UGT2B7: variants seen among roughly 807,000 people sequenced by gnomAD.
The protein encoded by UGT2B7 is UDP glucuronosyltransferase family 2 member B7.
In UGT2B7, 51 loss-of-function variants were observed where a neutral mutation model predicts 51.9. The observed-to-expected ratio is 0.98, with a 90% CI of 0.78 to 1.24. The LOEUF is 1.24. Among genes scored for constraint, UGT2B7 ranks in the 50% most tolerant of loss-of-function variants. UGT2B7 has a pLI of 0.00. For missense variants in UGT2B7, 727 were observed against 628.4 expected (o/e 1.16, Z -1.68); for synonymous variants, 225 against 211.6 (o/e 1.06, Z -0.55).
At chr4:69,092,595 A>G (rs550539869), upstream of UGT2B7, among the ~76,000 whole-genome samples, 30 of 152,152 alleles carry the variant, frequency 2.0e-4, no homozygotes, top group African/African-American at 7.2e-4. Context: ...AAAATATAAA[A>G]AGTAAAATAT....
intron 1 of UGT2B7, among the ~76,000 whole-genome samples, chr4:69,056,354 C>T (rs1718197607): frequency 6.6e-6 from 1 of 152,206 alleles, no homozygotes; most frequent in Non-Finnish European, 1.5e-5. Context: ...CCGATCAAGC[C>T]TTGACTGTTC....
chr4:69,111,148 C>T (rs1462079142), intron 5 of UGT2B7, among the ~76,000 whole-genome samples: 1 of 151,958 alleles, frequency 6.6e-6, no homozygotes, highest in African/African-American at 2.4e-5. Flanking sequence ...ATGAGAACAC[C>T]TTTGGGAGCT....
chr4:69,072,491 T>C (rs1718621621), intron 1 of UGT2B7, among the ~76,000 whole-genome samples: 1 of 152,204 alleles, frequency 6.6e-6, no homozygotes, highest in Admixed American at 6.6e-5. Context: ...TGTATAAGTT[T>C]TCTGAATTAA....
rs756981437 is a variant in UGT2B7 at position 69,097,125 on chromosome 4, C to T, written c.605C>T (p.Thr202Ile). 1 of 1,613,614 alleles carries T rather than the reference C, an allele frequency of 6.2e-7. No individual in the cohort carries two copies. Among genetic ancestry groups the T allele is most frequent in the Non-Finnish European group, 8.5e-7 (1 of 1,179,662 alleles). ...SYVPVVMSEL[T>I]DQMTFMERVK... ...GTACCTGTTGTTATGTCAGAATTAACTGATCAAATGACTTTCATGGAGAGG... is the reference window on the plus strand; with the variant it reads ...GTACCTGTTGTTATGTCAGAATTAATTGATCAAATGACTTTCATGGAGAGG... The change falls in exon 1 of 6, where the codon ACT becomes ATT. Residue 202 changes from threonine to isoleucine, a missense_variant. Thr to Ile is a moderately conservative substitution (Grantham distance 89, BLOSUM62 -1). Transcript: ENST00000305231.
At chr4:69,057,992 A>G (rs1433001021) in intron 1 of UGT2B7, among the ~76,000 whole-genome samples, 4 of 152,190 alleles carry the variant, frequency 2.6e-5, no homozygotes, top group Non-Finnish European at 5.9e-5. Flanking sequence ...ATATTAACTC[A>G]TGGCTGAATG....
chr4:69,053,607 CTA>C (rs1456183063), intron 1 of UGT2B7, among the ~76,000 whole-genome samples: 2 of 152,194 alleles, frequency 1.3e-5, no homozygotes, highest in Non-Finnish European at 2.9e-5. Context: ...GCTCTCTCTG[CTA>C]TATCCTGAAG....
At position 69,108,200 on chromosome 4, in the gene UGT2B7, T is replaced by G; in HGVS notation, c.1188T>G (p.Phe396Leu). The G allele has an allele frequency of 3.7e-6, 6 of 1,613,856 alleles. No individual in the cohort carries two copies. The highest frequency in any genetic ancestry group is 5.1e-6 in the Non-Finnish European group (6 of 1,179,798). The change falls in exon 5 of 6, where the codon TTT becomes TTG. Residue 396 changes from phenylalanine (F) to leucine (L), a missense_variant. Physicochemically the swap from Phe to Leu is conservative, Grantham distance 22 (BLOSUM62 0). Transcript: ENST00000305231. ...TCCCTATGGTGGGGATTCCATTGTT[T>G]GCCGATCAACCTGATAACATTGCTC... Reference protein sequence around the residue: ...HGIPMVGIPLFADQPDNIAHM... With the variant: ...HGIPMVGIPLLADQPDNIAHM...
Position 69,108,328 on chromosome 4 carries a change from T to C in UGT2B7, c.1310+6T>C, listed in dbSNP as rs1433766524. 4 of 1,612,298 alleles carry C rather than the reference T, an allele frequency of 2.5e-6. No individual in the cohort carries two copies. The highest frequency in any genetic ancestry group is 3.4e-6 in the Non-Finnish European group (4 of 1,178,624). ...AGAGTAATTAATGATCCTTCGTGAGTAGAACAATATTTTTCACTAGGTGGT... is the reference window on the plus strand; with the variant it reads ...AGAGTAATTAATGATCCTTCGTGAGCAGAACAATATTTTTCACTAGGTGGT... On this transcript the variant is annotated splice_donor_region_variant and intron_variant, in intron 5 of 5. Transcript: ENST00000305231.
chr4:69,100,836 A>G (rs962887408), intron 2 of UGT2B7, among the ~76,000 whole-genome samples: 1 of 152,132 alleles, frequency 6.6e-6, no homozygotes, highest in African/African-American at 2.4e-5. Flanking sequence ...CTTTCATTTC[A>G]ATTAAATATT....
rs59771610 is a variant in UGT2B7 at position 69,098,513 on chromosome 4, C to T, written c.722-27C>T. The stretch of plus-strand genomic sequence containing the variant: ...CCTAAAGTAATTATCTTGTGTCATC[C>T]ACCTTTTTTTTTTCTATTCCTGTCA... On this transcript the variant is annotated intron_variant, in intron 1 of 5. Coordinates refer to ENST00000305231, the MANE Select transcript of UGT2B7 (RefSeq NM_001074.4). 5.0e-5 allele frequency: 76 copies of T among 1,527,306 alleles called. 1 individual carries two copies. The African/African-American group carries it at 1.4e-3, about 29-fold the overall frequency. The allele number at this position is 1,527,306 out of a possible 1,614,324, so 94.6% of individuals were successfully genotyped here. A position where few individuals can be genotyped will look rare whatever the true frequency, so the allele number is the denominator to read the frequency against.
chr4:69,095,024 T>G (rs569269636), upstream of UGT2B7, among the ~76,000 whole-genome samples: 10 of 152,352 alleles, frequency 6.6e-5, no homozygotes, highest in African/African-American at 2.4e-4. Context: ...ATCATTAAGT[T>G]CCACTTCTAA....
chr4:69,101,977 C>T (rs1368320491), intron 2 of UGT2B7, among the ~76,000 whole-genome samples: 1 of 152,150 alleles, frequency 6.6e-6, no homozygotes, highest in Non-Finnish European at 1.5e-5. Flanking sequence ...GAGTTCCTCA[C>T]ATGCAGTTAT....
chr4:69,077,740 T>C (rs1019750731), intron 1 of UGT2B7, among the ~76,000 whole-genome samples: 9 of 152,316 alleles, frequency 5.9e-5, no homozygotes, highest in Non-Finnish European at 8.8e-5. Flanking sequence ...ACAATTTGAC[T>C]TCCTCTTTTC....
At chr4:69,088,866 C>A (rs1378672589) in intron 1 of UGT2B7, among the ~76,000 whole-genome samples, 1 of 152,106 alleles carries the variant, frequency 6.6e-6, no homozygotes, top group African/African-American at 2.4e-5. Flanking sequence ...AGAAACTGAA[C>A]ATTCACTTCA....
chr4:69,091,641 A>C (rs1719088128), upstream of UGT2B7, among the ~76,000 whole-genome samples: 1 of 152,138 alleles, frequency 6.6e-6, no homozygotes, highest in Non-Finnish European at 1.5e-5. Flanking sequence ...TCTGGGAGCT[A>C]CCATCACAGT....
At position 69,064,094 on chromosome 4, in the gene UGT2B7, A is replaced by AAGAGAGAGAG. The variant is rs112391559; in HGVS notation, c.-159+12497_-159+12498insGAGAGAGAGA. 4.5e-4 allele frequency among the ~76,000 whole-genome samples: 38 copies of AAGAGAGAGAG among 84,404 alleles called. 2 individuals carry two copies. The highest frequency in any genetic ancestry group is 6.9e-4 in the Non-Finnish European group (29 of 42,318). 55.4% of individuals were successfully genotyped at this position (84,404 alleles called of 152,430 possible). ...AAAGAAAGAAAGAAAGAAAGAAAGA[A>AAGAGAGAGAG]AGAGAAAGAAAGAAAGAAAAAGAAA... On this transcript the variant is annotated intron_variant, in intron 1 of 5. Transcript: ENST00000502942.
At chr4:69,108,500 T>C (rs1311772744) in intron 5 of UGT2B7, among the ~76,000 whole-genome samples, 178 bp downstream of exon 5, 1 of 151,662 alleles carries the variant, frequency 6.6e-6, no homozygotes, top group African/African-American at 2.4e-5. Flanking sequence ...TTGAAACACA[T>C]ACATCTAAAG....
At chr4:69,052,093 C>G (rs1718033979) in intron 1 of UGT2B7, among the ~76,000 whole-genome samples, 1 of 151,936 alleles carries the variant, frequency 6.6e-6, no homozygotes, top group African/African-American at 2.4e-5. Context: ...ACTATGACTC[C>G]AGGAAAACTT....
At chr4:69,086,239 T>C (rs866630648) in intron 1 of UGT2B7, among the ~76,000 whole-genome samples, 4 of 151,890 alleles carry the variant, frequency 2.6e-5, no homozygotes, top group Non-Finnish European at 4.4e-5. Flanking sequence ...AATTTATCTA[T>C]GGACTCAATG....
Sources: allele counts gnomAD v4.1 joint callset (sites outside exome capture counted in the v4.1 genomes callset), GRCh38; gene constraint gnomAD v4.1.1; transcripts MANE v1.5; gene names NCBI Gene and HGNC (gene_info 2026-07-23, HGNC 2026-07-21).